Variants in IQGAP2 observed in about 807,000 individuals in gnomAD.
IQGAP2 encodes the protein IQ motif containing GTPase activating protein 2, also known as ras GTPase-activating-like protein IQGAP2.
Under a neutral mutation model 201.3 loss-of-function variants are expected in IQGAP2, and 173 were observed. That is an observed-to-expected ratio of 0.86 (90% confidence interval 0.76 to 0.98). The LOEUF is 0.98. Ranked by LOEUF, IQGAP2 falls within the 50% of genes least tolerant of loss-of-function variation. The pLI, the probability that IQGAP2 is intolerant of heterozygous loss-of-function variation, is 0.00. For synonymous variants in IQGAP2, 675 were observed against 673.9 expected (o/e 1.00, Z -0.03); for missense variants, 1,687 against 1,864.8 (o/e 0.90, Z 1.76).
intron 29 of IQGAP2, 83 bp from the exon 30 acceptor site, chr5:76,683,693 C>T: frequency 6.0e-6 from 8 of 1,324,622 alleles, no homozygotes; most frequent in Non-Finnish European, 8.2e-6. Context: ...CCTATCTTTC[C>T]CACAGAACCT....
At chr5:76,436,982 A>T (rs1319804166) in intron 1 of IQGAP2, among the ~76,000 whole-genome samples, 1 of 152,056 alleles carries the variant, frequency 6.6e-6, no homozygotes, top group African/African-American at 2.4e-5. Context: ...TTATGCATAC[A>T]TTTATTGGCT....
At chr5:76,439,036 A>G (rs60846807) in intron 1 of IQGAP2, among the ~76,000 whole-genome samples, 14,377 of 129,632 alleles carry the variant, frequency 0.11, 1,769 homozygotes, top group African/African-American at 0.33. Flanking sequence ...TGTATCCCAG[A>G]GGCTTTGATA....
intron 1 of IQGAP2, among the ~76,000 whole-genome samples, chr5:76,439,583 A>G (rs1241106093): frequency 6.6e-6 from 1 of 151,902 alleles, no homozygotes; most frequent in Non-Finnish European, 1.5e-5. Flanking sequence ...TCCTTTTGTT[A>G]TTATATAGTG....
intron 15 of IQGAP2, among the ~76,000 whole-genome samples, chr5:76,634,011 T>G (rs1182271182): frequency 6.6e-6 from 1 of 151,516 alleles, no homozygotes; most frequent in Non-Finnish European, 1.5e-5. Flanking sequence ...CATGTCCAGG[T>G]TTTTTCATGG....
intron 4 of IQGAP2, among the ~76,000 whole-genome samples, chr5:76,572,228 T>C (rs1745163599): frequency 6.6e-6 from 1 of 151,826 alleles, no homozygotes; most frequent in Non-Finnish European, 1.5e-5. Context: ...TTTTTTTTTT[T>C]TTTGAGACAG....
chr5:76,640,395 C>T (rs1366736435), intron 16 of IQGAP2, among the ~76,000 whole-genome samples: 2 of 152,186 alleles, frequency 1.3e-5, no homozygotes, highest in Non-Finnish European at 2.9e-5. Context: ...TAGATTTCTG[C>T]TCTCTATCCT....
chr5:76,599,067 T>C (rs1027093424), intron 10 of IQGAP2, among the ~76,000 whole-genome samples: 1 of 152,162 alleles, frequency 6.6e-6, no homozygotes, highest in African/African-American at 2.4e-5. Flanking sequence ...TAGCATTTGT[T>C]TTCTTATTCT....
At chr5:76,677,388 A>G (rs1744917027) in intron 28 of IQGAP2, 38 bp downstream of exon 28, 1 of 1,601,090 alleles carries the variant, frequency 6.2e-7, no homozygotes, top group East Asian at 2.2e-5. Flanking sequence ...CAATGGACCC[A>G]TGATTTAGGC....
chr5:76,486,596 G>T (rs1252926845), intron 2 of IQGAP2, among the ~76,000 whole-genome samples: 2 of 151,872 alleles, frequency 1.3e-5, no homozygotes, highest in Non-Finnish European at 2.9e-5. Flanking sequence ...CTAGGGGGAA[G>T]TTTTTCCTAA....
chr5:76,672,486 A>G (rs936828357), intron 24 of IQGAP2, among the ~76,000 whole-genome samples: 20 of 152,216 alleles, frequency 1.3e-4, no homozygotes, highest in African/African-American at 4.8e-4. Flanking sequence ...TACTGTTTGT[A>G]ATAATAAAAA....
In IQGAP2 at chr5:76,543,251, T is replaced by C. The variant is rs145945957; in HGVS notation, c.147-19145T>C. On this transcript the variant is annotated intron_variant, in intron 2 of 35. Transcript: ENST00000274364. ...TTCCTGAAACTCAAGAACGCCAGAG[T>C]GGAATAGAGTTCTCTTATAACCAGC... 3.9e-4 allele frequency among the ~76,000 whole-genome samples: 60 copies of C among 152,092 alleles called. 2 individuals carry two copies. In the East Asian group the frequency reaches 0.01, roughly 26 times the overall value.
chr5:76,634,243 A>G (rs1019847984), intron 15 of IQGAP2, among the ~76,000 whole-genome samples: 1 of 149,368 alleles, frequency 6.7e-6, no homozygotes. Flanking sequence ...CATAGCCTGC[A>G]AAACTGAAAA....
chr5:76,488,491 C>G (rs1756315869), intron 2 of IQGAP2, among the ~76,000 whole-genome samples: 1 of 152,112 alleles, frequency 6.6e-6, no homozygotes, highest in Non-Finnish European at 1.5e-5. Context: ...GCGAAAGATT[C>G]TGTGCTTCTG....
chr5:76,545,018 T>C (rs915606978), intron 2 of IQGAP2, among the ~76,000 whole-genome samples: 38 of 152,012 alleles, frequency 2.5e-4, no homozygotes, highest in African/African-American at 9.2e-4. Context: ...TTGTATACAG[T>C]ACATATATAC....
In IQGAP2 at chr5:76,611,278, T is replaced by C. The variant is rs1748388708; in HGVS notation, c.1521+95T>C. ...TTTGACCCATTTACGTTAAATCTCATGAGCTTCTTGTCCCAACAATTACCC... is the reference window on the plus strand; with the variant it reads ...TTTGACCCATTTACGTTAAATCTCACGAGCTTCTTGTCCCAACAATTACCC... On this transcript the variant is annotated intron_variant, in intron 13 of 35. Transcript: ENST00000274364. 3.6e-6 allele frequency: 3 copies of C among 844,092 alleles called. No individual in the cohort carries two copies. In the South Asian group the frequency reaches 6.0e-5, roughly 17 times the overall value. The allele number at this position is 844,092 out of a possible 1,614,324, so 52.3% of individuals were successfully genotyped here. A position where few individuals can be genotyped will look rare whatever the true frequency, so the allele number is the denominator to read the frequency against.
chr5:76,564,531 A>G (rs1744604758), intron 3 of IQGAP2, among the ~76,000 whole-genome samples: 1 of 152,176 alleles, frequency 6.6e-6, no homozygotes, highest in Non-Finnish European at 1.5e-5. Flanking sequence ...AATGTTGTAT[A>G]CCTTGAATAT....
rs112586339 is a variant in IQGAP2 at position 76,671,731 on chromosome 5, C to A, written c.2844-28C>A. 8 of 1,471,188 alleles carry A rather than the reference C, an allele frequency of 5.4e-6. 1 individual carries two copies. Among genetic ancestry groups the A allele is most frequent in the African/African-American group, 4.2e-5 (3 of 70,710 alleles). 91.1% of individuals were successfully genotyped at this position (1,471,188 alleles called of 1,614,324 possible). A position where few individuals can be genotyped will look rare whatever the true frequency, so the allele number is the denominator to read the frequency against. On this transcript the variant is annotated intron_variant, in intron 23 of 35. Coordinates refer to ENST00000274364, the MANE Select transcript of IQGAP2 (RefSeq NM_006633.5). ...AAAATCTGTATCCATGGAAGCAAAC[C>A]ATTTTGTTTTGTCTTGGGCTTTTTT... is the stretch of plus-strand genomic sequence containing the variant.
chr5:76,598,578 G>C (rs964889507), intron 10 of IQGAP2, among the ~76,000 whole-genome samples: 1 of 152,188 alleles, frequency 6.6e-6, no homozygotes, highest in Non-Finnish European at 1.5e-5. Flanking sequence ...CGTAGGGATA[G>C]ATATGGGGCC....
intron 13 of IQGAP2, among the ~76,000 whole-genome samples, chr5:76,625,366 T>C (rs1750126245): frequency 6.6e-6 from 1 of 152,142 alleles, no homozygotes; most frequent in Non-Finnish European, 1.5e-5. Context: ...TCATAGAGCT[T>C]AGTTTTTAGG....
Sources: gnomAD v4.1 joint callset for allele counts (sites outside exome capture counted in the v4.1 genomes callset) on GRCh38, gnomAD v4.1.1 for gene constraint, MANE v1.5 for transcripts, NCBI Gene and HGNC (gene_info 2026-07-23, HGNC 2026-07-21) for gene names.